WNT5A: variants seen among roughly 807,000 people sequenced by gnomAD.
The protein encoded by WNT5A is Wnt family member 5A.
WNT5A carries 9 observed loss-of-function variants against 42.1 expected under a neutral mutation model. That is an observed-to-expected ratio of 0.21 (90% CI 0.13 to 0.37). The LOEUF is 0.37. Among genes scored for constraint, WNT5A ranks in the 10% least tolerant of loss-of-function variants. WNT5A has a pLI of 1.00. For missense variants in WNT5A, 426 were observed against 534.0 expected (o/e 0.80, Z 1.99); for synonymous variants, 210 against 210.0 (o/e 1.00, Z 0.00).
intron 4 of WNT5A, among the ~76,000 whole-genome samples, 196 bp from the exon 5 acceptor site, chr3:55,470,746 C>T (rs1264946678): frequency 6.6e-6 from 1 of 152,234 alleles, no homozygotes. Flanking sequence ...ATGTTCTTAA[C>T]CACTCATTAT....
At position 55,465,715 on chromosome 3, in the gene WNT5A, T is replaced by C. The variant is rs2051131178; in HGVS notation, c.*4377A>G. 6.6e-6 allele frequency: 1 copy of C among 152,214 alleles called. No individual in the cohort carries two copies. The highest frequency in any genetic ancestry group is 2.4e-5 in the African/African-American group (1 of 41,448). The allele number at this position is 152,214 out of a possible 1,614,324, so 9.4% of individuals were successfully genotyped here. ...GCTAAACACACACGCACGACTGCAC[T>C]GGATTTCATAAAATGATTTTAATAG... On this transcript the variant is annotated 3_prime_UTR_variant, in exon 5 of 5. Coordinates refer to ENST00000264634, the MANE Select transcript of WNT5A (RefSeq NM_003392.7).
the WNT5A span, among the ~76,000 whole-genome samples, chr3:55,504,064 G>T: frequency 3.9e-5 from 6 of 152,248 alleles, no homozygotes; most frequent in Middle Eastern, 3.4e-3. Context: ...TTGAGGTCAG[G>T]AGTTCAAGAC....
At chr3:55,502,797 G>C in the WNT5A span, among the ~76,000 whole-genome samples, 1 of 152,318 alleles carries the variant, frequency 6.6e-6, no homozygotes, top group East Asian at 1.9e-4. Context: ...ATCAACCCAT[G>C]GCTAATCCTA....
intron 1 of WNT5A, chr3:55,481,136 T>G: frequency 1.4e-6 from 1 of 696,450 alleles, no homozygotes; most frequent in East Asian, 3.6e-5. Context: ...GCTGGGATCC[T>G]GTGCGCGGGG....
chr3:55,488,150 G>C (rs2107017019), upstream of WNT5A: 1 of 152,812 alleles, frequency 6.5e-6, no homozygotes, highest in East Asian at 1.9e-4. Flanking sequence ...AGAGCGGGCC[G>C]GCGGGAGGCG....
intron 3 of WNT5A, among the ~76,000 whole-genome samples, chr3:55,477,940 G>A (rs1352076369): frequency 6.6e-6 from 1 of 152,080 alleles, no homozygotes; most frequent in Non-Finnish European, 1.5e-5. Context: ...AGAAGAAGGG[G>A]GAAAAGTTAC....
chr3:55,472,970 C>T (rs530281637), intron 4 of WNT5A, among the ~76,000 whole-genome samples: 121 of 152,080 alleles, frequency 8.0e-4, no homozygotes, highest in African/African-American at 2.8e-3. Context: ...CTCACAATAA[C>T]CTCAGGTAAT....
chr3:55,491,236 A>G (rs1359239085), upstream of WNT5A, among the ~76,000 whole-genome samples: 1 of 152,226 alleles, frequency 6.6e-6, no homozygotes, highest in Non-Finnish European at 1.5e-5. Context: ...CACCAGTCCC[A>G]TGATGGTGTT....
At position 55,474,460 on chromosome 3, in the gene WNT5A, G is replaced by A. The variant is rs1398723381; in HGVS notation, c.561C>T (p.Asp187=). 1 of 1,607,340 alleles carries A rather than the reference G, an allele frequency of 6.2e-7. No homozygotes were observed. The highest frequency in any genetic ancestry group is 8.5e-7 in the Non-Finnish European group (1 of 1,177,914). Residue 187 remains aspartate (D), a synonymous_variant, in exon 4 of 5, where the codon GAC becomes GAT. Transcript: ENST00000264634. ...ACTCCTTGGCAAAGCGGTAGCCATA[G>A]TCGATGTTGTCGCCGCAGCCGCCCC... ...WLWGGCGDNI[D]YGYRFAKEFV...
chr3:55,481,494 G>C, intron 1 of WNT5A: 2 of 422,522 alleles, frequency 4.7e-6, no homozygotes, highest in Non-Finnish European at 6.3e-6. Context: ...GGGGTGGGGG[G>C]CGAGGCCCCG....
rs376711950 is a variant in WNT5A, at chr3:55,483,074, G to C, written c.7-2156C>G. ...CAGAGAAATTGATAACAGATTCGGC[G>C]GATTACAGCGGATCTCTTTGTTAGA... On this transcript the variant is annotated intron_variant, in intron 1 of 4. Transcript: ENST00000264634. The surrounding 1 kb of genome is among the most constrained non-coding windows in gnomAD (Gnocchi z 4.2). Among the ~76,000 whole-genome samples the C allele has an allele frequency of 6.6e-6, 1 of 152,148 alleles. No homozygotes were observed. Among genetic ancestry groups the C allele is most frequent in the Non-Finnish European group, 1.5e-5 (1 of 68,038 alleles).
rs765922829 is a variant in WNT5A, at chr3:55,467,566, A to G, written c.*2526T>C. The G allele has an allele frequency of 4.6e-5, 7 of 152,584 alleles. No homozygotes were observed. Among genetic ancestry groups the G allele is most frequent in the Admixed American group, 2.0e-4 (3 of 15,270 alleles). The allele number at this position is 152,584 out of a possible 1,614,324, so 9.5% of individuals were successfully genotyped here. A position where few individuals can be genotyped will look rare whatever the true frequency, so the allele number is the denominator to read the frequency against. ...CTCCACATGAATTATCTGAAGGACA[A>G]TTGAAACCACTTACCAATATACAAG... On this transcript the variant is annotated 3_prime_UTR_variant, in exon 5 of 5. Transcript: ENST00000264634.
chr3:55,478,316 AT>A (rs2051394404), intron 3 of WNT5A, among the ~76,000 whole-genome samples: 2 of 151,842 alleles, frequency 1.3e-5, no homozygotes, highest in African/African-American at 4.8e-5. Context: ...TTTTTTTTTA[AT>A]AAAAAATGCA....
chr3:55,473,242 T>C (rs1378645674), intron 4 of WNT5A, among the ~76,000 whole-genome samples: 1 of 152,204 alleles, frequency 6.6e-6, no homozygotes, highest in South Asian at 2.1e-4. Context: ...GGCCAGAGTC[T>C]TCTAAGGCTC....
intron 3 of WNT5A, among the ~76,000 whole-genome samples, chr3:55,477,271 G>A (rs897585827): frequency 1.3e-5 from 2 of 152,200 alleles, no homozygotes; most frequent in Non-Finnish European, 2.9e-5. Context: ...TTGGATCCAT[G>A]TTCCTCTTTC....
At chr3:55,477,429 G>A (rs1392101556) in intron 3 of WNT5A, among the ~76,000 whole-genome samples, 2 of 152,096 alleles carry the variant, frequency 1.3e-5, no homozygotes, top group African/African-American at 4.8e-5. Flanking sequence ...TGCAGGGGAG[G>A]ATGCCATATG....
In WNT5A at chr3:55,480,793, A is replaced by C. The variant is rs186124369; in HGVS notation, c.132T>G (p.Asn44Lys). ...FSFAQVVIEA[N>K]SWWSLGMNNP... ...ACATAGAATGAACTTACCACCAAGAATTGGCTTCAATTACAACCTGGGCGA... is the reference window on the plus strand; with the variant it reads ...ACATAGAATGAACTTACCACCAAGACTTGGCTTCAATTACAACCTGGGCGA... The change falls in exon 2 of 5, where the codon AAT becomes AAG. Residue 44 changes from asparagine to lysine, a missense_variant. Around this residue, in one of 3 missense-constraint regions of WNT5A, gnomAD observed 6 missense variants for 16.9 expected, o/e 0.35. Transcript: ENST00000264634. 1 of 1,562,884 alleles carries C rather than the reference A, an allele frequency of 6.4e-7. No homozygotes were observed. Among genetic ancestry groups the C allele is most frequent in the African/African-American group, 1.4e-5 (1 of 73,248 alleles).
rs1174280692 is a variant in WNT5A at position 55,470,078 on chromosome 3, C to T, written c.*14G>A. On this transcript the variant is annotated 3_prime_UTR_variant, in exon 5 of 5. Transcript: ENST00000264634. The stretch of plus-strand genomic sequence containing the variant: ...CGGGTCCTGGGAGCGGGGCTGAGTG[C>T]TGGGTGGCACCCACTACTTGCACAC... The T allele has an allele frequency of 1.9e-6, 3 of 1,613,938 alleles. No homozygotes were observed. The Admixed American group carries it at 5.0e-5, about 27-fold the overall frequency.
At chr3:55,499,510 G>A in the WNT5A span, among the ~76,000 whole-genome samples, 1 of 152,156 alleles carries the variant, frequency 6.6e-6, no homozygotes, top group African/African-American at 2.4e-5. Context: ...GTCACCAACT[G>A]TCTTTGAAAA....
Sources: gnomAD v4.1 joint callset for allele counts (sites outside exome capture counted in the v4.1 genomes callset) on GRCh38, gnomAD v4.1.1 for gene constraint, gnomAD v4.1.1 regional missense constraint, Gnocchi (gnomAD v3.1) non-coding constraint, MANE v1.5 for transcripts, NCBI Gene and HGNC (gene_info 2026-07-23, HGNC 2026-07-21) for gene names.